Variants in PTPN3 observed in about 807,000 individuals in gnomAD.
PTPN3 encodes the protein protein tyrosine phosphatase non-receptor type 3.
Under a neutral mutation model 132.7 loss-of-function variants are expected in PTPN3, and 96 were observed. The ratio of observed to expected loss-of-function variants is 0.72; its 90% CI spans 0.61 to 0.86. The LOEUF (loss-of-function observed/expected upper bound fraction) is 0.86. PTPN3 is among the 40% of genes least tolerant of loss of function. PTPN3 has a pLI of 0.00. For missense variants in PTPN3, 1,125 were observed against 1,159.6 expected, an observed-to-expected ratio of 0.97 and a Z score of 0.43; for synonymous variants, 398 against 429.0, an observed-to-expected ratio of 0.93 and a Z score of 0.89.
In PTPN3 at chr9:109,382,303, T is replaced by C; in HGVS notation, c.2527A>G (p.Ser843Gly). The C allele has an allele frequency of 6.2e-7, 1 of 1,613,812 alleles. No homozygotes were observed. The highest frequency in any genetic ancestry group is 8.5e-7 in the Non-Finnish European group (1 of 1,179,806). Residue 843 changes from serine to glycine, a missense_variant and splice_region_variant, in exon 24 of 26, where the codon AGT (serine) becomes GGT (glycine). By Grantham distance (56) the Ser-to-Gly change is moderately conservative. Coordinates refer to ENST00000374541, the MANE Select transcript of PTPN3 (RefSeq NM_002829.4). Reference protein sequence around the residue: ...VDSEPVLVHCSAGIGRTGVLV... With the variant: ...VDSEPVLVHCGAGIGRTGVLV... ...CTAACAAAACAGCAAGCGCCATACC[T>C]GCAGTGAACTAGGACGGGCTCGCTG...
At chr9:109,488,093 CT>C (rs766663409) in intron 1 of PTPN3, among the ~76,000 whole-genome samples, 5,572 of 121,116 alleles carry the variant, frequency 0.046, 61 homozygotes, top group Non-Finnish European at 0.06. Flanking sequence ...GAGGGAAGTA[CT>C]TTTTTTTTTT....
chr9:109,389,318 T>C lies in PTPN3; in HGVS notation c.2168A>G (p.His723Arg), dbSNP rs143462283. Residue 723 changes from histidine (H) to arginine (R), a missense_variant, in exon 22 of 26, where the codon CAT (histidine) becomes CGT (arginine). By Grantham distance (29) the His-to-Arg change is conservative. Transcript: ENST00000374541. ...AACCTGCCAAAACTGTGCACAGGTA[T>C]GCGGCAGGGGCCCCTGAGTGGCGAT... ...KYIATQGPLP[H>R]TCAQFWQVVW... 92 of 1,614,194 alleles carry C rather than the reference T, an allele frequency of 5.7e-5. No individual in the cohort carries two copies. In the African/African-American group the frequency reaches 1.1e-3, roughly 20 times the overall value.
chr9:109,406,946 A>C (rs893248514), intron 17 of PTPN3, among the ~76,000 whole-genome samples: 1 of 152,182 alleles, frequency 6.6e-6, no homozygotes, highest in African/African-American at 2.4e-5. Context: ...TGTTTCCTAG[A>C]TGTACTGTTA....
Position 109,410,052 on chromosome 9 carries a change from C to A in PTPN3, c.1525G>T (p.Val509Phe). The A allele has an allele frequency of 5.0e-6, 8 of 1,614,228 alleles. No individual in the cohort carries two copies. The Middle Eastern group carries it at 1.3e-3, about 266-fold the overall frequency. ...DKNDNGDSYL[V>F]LIRITPDEDG... is the part of the protein sequence containing the mutation. ...TCATCTGGTGTGATACGGATCAAGA[C>A]TAAGTAGCTGTCACCATTATCATTC... is the stretch of plus-strand genomic sequence containing the variant. The change falls in exon 16 of 26, where the codon GTC becomes TTC. Residue 509 changes from valine to phenylalanine, a missense_variant. Physicochemically the swap from Val to Phe is conservative, Grantham distance 50. Coordinates refer to ENST00000374541, the MANE Select transcript of PTPN3 (RefSeq NM_002829.4).
chr9:109,473,046 T>C (rs183484433), intron 1 of PTPN3, among the ~76,000 whole-genome samples: 1 of 152,370 alleles, frequency 6.6e-6, no homozygotes, highest in Admixed American at 6.5e-5. Flanking sequence ...TATTTATGAA[T>C]GTGTTAATAC....
At chr9:109,438,344 T>C in intron 7 of PTPN3, 110 bp from the exon 8 acceptor site, 1 of 1,196,322 alleles carries the variant, frequency 8.4e-7, no homozygotes, top group Non-Finnish European at 1.2e-6. Context: ...AGAAATACTC[T>C]TCTGGTAAGT....
chr9:109,423,062 T>C (rs574794338), intron 12 of PTPN3, among the ~76,000 whole-genome samples: 40 of 152,352 alleles, frequency 2.6e-4, no homozygotes, highest in South Asian at 2.5e-3. Flanking sequence ...TGAAAATCCT[T>C]TCTTGTCCTC....
Position 109,410,336 on chromosome 9 carries a change from G to A in PTPN3, c.1393C>T (p.Pro465Ser). ...SSSVSPSSNA[P>S]GSCSPDGVDQ... ...ACGCCGTCAGGTGAGCAGGAGCCTG[G>A]AGCATTTGAAGATGGAGACACAGAA... is the stretch of plus-strand genomic sequence containing the variant. Residue 465 changes from proline (P) to serine (S), a missense_variant, in exon 15 of 26, where the codon CCA becomes TCA. Coordinates refer to ENST00000374541, the MANE Select transcript of PTPN3 (RefSeq NM_002829.4). 3 of 1,614,198 alleles carry A rather than the reference G, an allele frequency of 1.9e-6. No homozygotes were observed. Among genetic ancestry groups the A allele is most frequent in the Non-Finnish European group, 2.5e-6 (3 of 1,180,030 alleles).
chr9:109,493,808 G>A (rs1051369106), intron 1 of PTPN3, among the ~76,000 whole-genome samples: 8 of 152,202 alleles, frequency 5.3e-5, no homozygotes, highest in Non-Finnish European at 1.5e-5. Flanking sequence ...GGGAGGCCGG[G>A]CCACAATCAG....
intron 1 of PTPN3, among the ~76,000 whole-genome samples, chr9:109,497,965 C>T (rs868040933): frequency 4.4e-4 from 65 of 146,516 alleles, no homozygotes; most frequent in Non-Finnish European, 6.4e-4. Context: ...GGCCGCCAGC[C>T]CGCCCCGGCC....
intron 2 of PTPN3, among the ~76,000 whole-genome samples, chr9:109,457,943 G>A (rs1845650511): frequency 6.6e-6 from 1 of 152,188 alleles, no homozygotes; most frequent in Non-Finnish European, 1.5e-5. Context: ...GGGATTATCT[G>A]CCTCCCTGCT....
At chr9:109,493,261 CA>C (rs1378818565) in intron 1 of PTPN3, among the ~76,000 whole-genome samples, 1 of 152,016 alleles carries the variant, frequency 6.6e-6, no homozygotes, top group Non-Finnish European at 1.5e-5. Flanking sequence ...AACAAACAAA[CA>C]AAAACCAAAA....
chr9:109,451,786 C>G (rs1356634662), intron 5 of PTPN3, among the ~76,000 whole-genome samples: 4 of 152,162 alleles, frequency 2.6e-5, no homozygotes, highest in African/African-American at 9.7e-5. Flanking sequence ...GGAAACCTCT[C>G]CCTCAAGTTT....
At chr9:109,388,869 C>T (rs1839819341) in intron 22 of PTPN3, among the ~76,000 whole-genome samples, 1 of 152,170 alleles carries the variant, frequency 6.6e-6, no homozygotes, top group Admixed American at 6.5e-5. Context: ...GAAAATGGCA[C>T]AGTGATGTAA....
chr9:109,421,063 G>C (rs180922317), intron 13 of PTPN3, among the ~76,000 whole-genome samples: 1 of 152,202 alleles, frequency 6.6e-6, no homozygotes, highest in South Asian at 2.1e-4. Context: ...CCCTTCATGT[G>C]AATTTCACTT....
intron 22 of PTPN3, among the ~76,000 whole-genome samples, chr9:109,384,079 A>T (rs1839356569): frequency 6.6e-6 from 1 of 152,094 alleles, no homozygotes; most frequent in South Asian, 2.1e-4. Context: ...ACAGTTGCTT[A>T]ACCTCTCTGA....
chr9:109,461,009 C>A (rs1005485391), intron 2 of PTPN3, among the ~76,000 whole-genome samples: 3 of 152,158 alleles, frequency 2.0e-5, no homozygotes, highest in African/African-American at 7.2e-5. Flanking sequence ...GACAGACAAA[C>A]ACACATTTTA....
chr9:109,460,484 C>T (rs999271820), intron 2 of PTPN3, among the ~76,000 whole-genome samples: 3 of 152,104 alleles, frequency 2.0e-5, no homozygotes, highest in African/African-American at 7.2e-5. Flanking sequence ...CATGCGATCC[C>T]CCACCCCTTA....
Position 109,423,987 on chromosome 9 carries a change from T to C in PTPN3, c.1002-1135A>G, listed in dbSNP as rs562011501. Among the ~76,000 whole-genome samples the C allele has an allele frequency of 3.9e-5, 6 of 152,306 alleles. No homozygotes were observed. The South Asian group carries it at 1.2e-3, about 32-fold the overall frequency. On this transcript the variant is annotated intron_variant, in intron 12 of 25. Coordinates refer to ENST00000374541, the MANE Select transcript of PTPN3 (RefSeq NM_002829.4). The stretch of plus-strand genomic sequence containing the variant: ...TTAAGAAATGCTGTTGTCACCCTGA[T>C]CAAAATGCTCACAACAGCATCACTG...
Sources: gnomAD v4.1 joint callset for allele counts (sites outside exome capture counted in the v4.1 genomes callset) on GRCh38, gnomAD v4.1.1 for gene constraint, MANE v1.5 for transcripts, NCBI Gene and HGNC (gene_info 2026-07-23, HGNC 2026-07-21) for gene names.